The following KLRG1 variants were observed in gnomAD, a reference collection of about 807,000 sequenced individuals.
KLRG1 encodes killer cell lectin like receptor G1.
A neutral mutation model predicts 21.8 loss-of-function variants in KLRG1; 16 were observed. That is an observed-to-expected ratio of 0.73 (90% CI 0.50 to 1.11). The LOEUF is 1.11. Among genes scored for constraint, KLRG1 ranks in the 50% most tolerant of loss-of-function variants. The pLI is 0.00. For synonymous variants in KLRG1, 69 were observed against 75.9 expected (o/e 0.91, Z 0.47); for missense variants, 173 against 218.3 (o/e 0.79, Z 1.31).
chr12:9,023,899 G>A, the KLRG1 span, among the ~76,000 whole-genome samples: 1 of 151,068 alleles, frequency 6.6e-6, no homozygotes, highest in Admixed American at 6.6e-5. Flanking sequence ...TATAGGTTGA[G>A]GTTTTTTTTT....
At chr12:8,997,721 A>G (rs939752152) in intron 3 of KLRG1, among the ~76,000 whole-genome samples, 1 of 152,204 alleles carries the variant, frequency 6.6e-6, no homozygotes, top group African/African-American at 2.4e-5. Context: ...CAAAGTGTAC[A>G]ATAATAACAG....
At chr12:9,104,189 C>T in the KLRG1 span, 1 of 1,572,794 alleles carries the variant, frequency 6.4e-7, no homozygotes, top group Non-Finnish European at 8.6e-7. Flanking sequence ...AGGTTGCAAC[C>T]TTGTTTCCAA....
chr12:9,009,678 A>G lies in KLRG1; in HGVS notation c.*141A>G, dbSNP rs1303949737. The G allele has an allele frequency of 1.6e-5, 23 of 1,437,182 alleles. No individual in the cohort carries two copies. The highest frequency in any genetic ancestry group is 3.0e-5 in the South Asian group (2 of 66,516). 89.0% of individuals were successfully genotyped at this position (1,437,182 alleles called of 1,614,324 possible). ...CAGATATGGCATTAGATGCAAGACA[A>G]CCTCCTAGGGATTGATGCCTAACTG... On this transcript the variant is annotated 3_prime_UTR_variant, in exon 5 of 5. Coordinates refer to ENST00000356986, the MANE Select transcript of KLRG1 (RefSeq NM_005810.4).
chr12:9,173,686 A>G, the KLRG1 span, among the ~76,000 whole-genome samples: 19 of 152,228 alleles, frequency 1.2e-4, no homozygotes, highest in African/African-American at 4.6e-4. Context: ...ACCATCCGCA[A>G]ATACTATAAA....
At chr12:9,152,725 T>C in the KLRG1 span, 1 of 1,272,502 alleles carries the variant, frequency 7.9e-7, no homozygotes, top group African/African-American at 1.5e-5. Context: ...TTCTAAATTA[T>C]ATTAATCTAA....
chr12:9,095,512 A>C, the KLRG1 span: 1 of 1,597,680 alleles, frequency 6.3e-7, no homozygotes, highest in Non-Finnish European at 8.6e-7. Context: ...GCTTAAGATC[A>C]GACCATCTGC....
chr12:9,160,095 A>G, the KLRG1 span: 3 of 1,417,922 alleles, frequency 2.1e-6, no homozygotes, highest in Non-Finnish European at 3.0e-6. Flanking sequence ...GTTTAGGCTC[A>G]TGCATCCAGG....
At chr12:8,973,933 T>C (rs560293903) in intron 1 of KLRG1, among the ~76,000 whole-genome samples, 114 of 152,302 alleles carry the variant, frequency 7.5e-4, no homozygotes, top group African/African-American at 2.6e-3. Flanking sequence ...CTAGTTCTAA[T>C]ACTTTTTTTG....
the KLRG1 span, chr12:9,036,486 G>A: frequency 2.5e-5 from 4 of 162,976 alleles, no homozygotes; most frequent in African/African-American, 4.8e-5. Context: ...ACAAAGTCAC[G>A]CAGTGCTGTG....
At chr12:9,086,235 A>G in the KLRG1 span, among the ~76,000 whole-genome samples, 1 of 152,210 alleles carries the variant, frequency 6.6e-6, no homozygotes, top group Non-Finnish European at 1.5e-5. Flanking sequence ...AGATGCAAAA[A>G]TCCTCAATAA....
At chr12:9,144,065 C>A in the KLRG1 span, among the ~76,000 whole-genome samples, 1 of 152,074 alleles carries the variant, frequency 6.6e-6, no homozygotes, top group Non-Finnish European at 1.5e-5. Context: ...ATGAGAAAGT[C>A]AGGGGAAGGC....
At chr12:9,207,152 G>A in the KLRG1 span, among the ~76,000 whole-genome samples, 1 of 152,200 alleles carries the variant, frequency 6.6e-6, no homozygotes, top group Admixed American at 6.5e-5. Context: ...ATTTGTGTTA[G>A]ATGGATAAGG....
At chr12:8,952,176 T>C (rs1373880629) in intron 1 of KLRG1, among the ~76,000 whole-genome samples, 3 of 152,244 alleles carry the variant, frequency 2.0e-5, no homozygotes, top group Non-Finnish European at 4.4e-5. Flanking sequence ...CACTGCCTTC[T>C]CTCACACAAG....
intron 1 of KLRG1, among the ~76,000 whole-genome samples, chr12:8,973,497 C>G (rs1043870908): frequency 1.3e-5 from 2 of 152,204 alleles, no homozygotes; most frequent in African/African-American, 4.8e-5. Context: ...GTGGGCATAG[C>G]AACAAGGTGC....
the KLRG1 span, among the ~76,000 whole-genome samples, chr12:9,142,936 A>G: frequency 6.6e-6 from 1 of 152,202 alleles, no homozygotes; most frequent in Non-Finnish European, 1.5e-5. Flanking sequence ...AGGGTCTTTA[A>G]TACCTGCACC....
chr12:9,144,922 G>T, the KLRG1 span, among the ~76,000 whole-genome samples: 2 of 152,180 alleles, frequency 1.3e-5, no homozygotes, highest in African/African-American at 4.8e-5. Context: ...GCCCTTTGGG[G>T]CAGTTTTTGA....
chr12:9,096,169 T>C, the KLRG1 span, among the ~76,000 whole-genome samples: 1 of 152,228 alleles, frequency 6.6e-6, no homozygotes, highest in African/African-American at 2.4e-5. Flanking sequence ...GATCATTTTC[T>C]TGACACAGTG....
At chr12:8,992,421 A>T (rs762551244) in intron 2 of KLRG1, 111 bp downstream of exon 2, 1 of 691,530 alleles carries the variant, frequency 1.4e-6, no homozygotes, top group East Asian at 2.8e-5. Context: ...ATAACTCTCC[A>T]TCTGTATACA....
At chr12:9,079,360 A>G in the KLRG1 span, 1 of 1,584,154 alleles carries the variant, frequency 6.3e-7, no homozygotes, top group Non-Finnish European at 8.7e-7. Flanking sequence ...GAAACAGCAC[A>G]ATGGATTAAT....
Sources: gnomAD v4.1 joint callset for allele counts (sites outside exome capture counted in the v4.1 genomes callset) on GRCh38, gnomAD v4.1.1 for gene constraint, MANE v1.5 for transcripts, NCBI Gene and HGNC (gene_info 2026-07-23, HGNC 2026-07-21) for gene names.